SARNP: variants seen among roughly 807,000 people sequenced by gnomAD.
The protein encoded by SARNP is SAP domain containing ribonucleoprotein, also known as SAP domain-containing ribonucleoprotein.
In SARNP, 5 loss-of-function variants were observed where a neutral mutation model predicts 38.1. The observed-to-expected ratio is 0.13, with a 90% confidence interval of 0.07 to 0.28. The LOEUF is 0.28. SARNP is among the 10% of genes least tolerant of loss of function. The pLI is 1.00. For synonymous variants in SARNP, 84 were observed against 80.6 expected, an observed-to-expected ratio of 1.04 and a Z score of -0.23; for missense variants, 180 against 243.9, an observed-to-expected ratio of 0.74 and a Z score of 1.75.
chr12:55,810,557 A>G (rs1336193501), intron 1 of SARNP, among the ~76,000 whole-genome samples: 3 of 150,814 alleles, frequency 2.0e-5, no homozygotes. Context: ...AGTTCAAGCG[A>G]TTCTCCTGCT....
At chr12:55,776,037 C>T (rs1879171946) in intron 9 of SARNP, among the ~76,000 whole-genome samples, 1 of 152,148 alleles carries the variant, frequency 6.6e-6, no homozygotes, top group Non-Finnish European at 1.5e-5. Context: ...TCCTCCCATA[C>T]AGACTCTGAA....
intron 9 of SARNP, among the ~76,000 whole-genome samples, chr12:55,787,914 A>G (rs941722294): frequency 1.3e-5 from 2 of 151,324 alleles, no homozygotes; most frequent in African/African-American, 2.4e-5. Flanking sequence ...ACACCCAGCT[A>G]ATTTTTTTGT....
chr12:55,795,351 G>T (rs927018515), intron 5 of SARNP, among the ~76,000 whole-genome samples: 2 of 152,102 alleles, frequency 1.3e-5, no homozygotes, highest in African/African-American at 4.8e-5. Flanking sequence ...TTGTGTCCAT[G>T]CTAGGACTTA....
At chr12:55,775,738 C>A (rs1879163355) in intron 9 of SARNP, among the ~76,000 whole-genome samples, 2 of 152,116 alleles carry the variant, frequency 1.3e-5, no homozygotes, top group Non-Finnish European at 2.9e-5. Context: ...CTGCCTCATC[C>A]CCACCTCCAT....
intron 9 of SARNP, among the ~76,000 whole-genome samples, chr12:55,784,347 C>T (rs770401768): frequency 1.3e-5 from 2 of 152,156 alleles, no homozygotes; most frequent in Non-Finnish European, 2.9e-5. Context: ...AAGTCACTAA[C>T]CTCTGCCAAC....
chr12:55,810,305 G>A (rs560621568), intron 1 of SARNP, among the ~76,000 whole-genome samples: 2 of 151,952 alleles, frequency 1.3e-5, no homozygotes, highest in South Asian at 4.2e-4. Context: ...TAGAGATGAG[G>A]TCTCACTATG....
intron 9 of SARNP, among the ~76,000 whole-genome samples, chr12:55,786,101 C>G (rs1301714311): frequency 1.3e-5 from 2 of 151,986 alleles, no homozygotes; most frequent in Admixed American, 6.6e-5. Context: ...AAAGGTCAAA[C>G]AAAGAGAAAA....
intron 1 of SARNP, among the ~76,000 whole-genome samples, chr12:55,806,329 C>T (rs943641481): frequency 6.7e-6 from 1 of 149,296 alleles, no homozygotes; most frequent in African/African-American, 2.5e-5. Context: ...GGCTGGAGTA[C>T]AGTGGCATGA....
chr12:55,764,557 C>T (rs1362508517), intron 9 of SARNP, among the ~76,000 whole-genome samples: 1 of 148,422 alleles, frequency 6.7e-6, no homozygotes, highest in African/African-American at 2.5e-5. Flanking sequence ...AAGAATAAGG[C>T]TGGGCGCAGT....
At chr12:55,794,507 G>A in intron 6 of SARNP, 120 bp from the exon 7 acceptor site, 1 of 891,344 alleles carries the variant, frequency 1.1e-6, no homozygotes, top group Non-Finnish European at 1.8e-6. Context: ...GCAATCATTA[G>A]CTAATTCTAA....
chr12:55,808,197 T>C (rs1053913106), intron 1 of SARNP, among the ~76,000 whole-genome samples: 4 of 152,044 alleles, frequency 2.6e-5, no homozygotes, highest in African/African-American at 9.7e-5. Context: ...AAAAGGAAAA[T>C]AGAGGCTGGG....
intron 9 of SARNP, among the ~76,000 whole-genome samples, chr12:55,765,716 T>A (rs1878808747): frequency 6.6e-6 from 1 of 152,020 alleles, no homozygotes; most frequent in Non-Finnish European, 1.5e-5. Flanking sequence ...CTAAACCCAT[T>A]AGGGGTTCCA....
chr12:55,776,402 T>G (rs571980087), intron 9 of SARNP, among the ~76,000 whole-genome samples: 1 of 152,248 alleles, frequency 6.6e-6, no homozygotes, highest in South Asian at 2.1e-4. Context: ...CACGGCACTC[T>G]ATAAGTGAGA....
intron 9 of SARNP, among the ~76,000 whole-genome samples, chr12:55,780,306 T>C (rs2136189131): frequency 6.6e-6 from 1 of 151,826 alleles, no homozygotes; most frequent in South Asian, 2.1e-4. Flanking sequence ...CACAAAAAAT[T>C]AGCCGGGCAT....
intron 5 of SARNP, among the ~76,000 whole-genome samples, chr12:55,795,305 A>G (rs1335691710): frequency 6.6e-6 from 1 of 152,192 alleles, no homozygotes; most frequent in Non-Finnish European, 1.5e-5. Context: ...CTTAGGGTCT[A>G]AACTGAAAAT....
At chr12:55,780,656 GC>G (rs2136189351) in intron 9 of SARNP, among the ~76,000 whole-genome samples, 2 of 151,950 alleles carry the variant, frequency 1.3e-5, no homozygotes, top group African/African-American at 4.8e-5. Flanking sequence ...GGCAACAAGT[GC>G]AAAACTCTGT....
At chr12:55,781,608 G>A (rs562584037) in intron 9 of SARNP, among the ~76,000 whole-genome samples, 2 of 151,866 alleles carry the variant, frequency 1.3e-5, no homozygotes, top group East Asian at 3.9e-4. Flanking sequence ...CACTCACTGT[G>A]AAGTGGTTCA....
At chr12:55,806,332 T>G (rs1880142798) in intron 1 of SARNP, among the ~76,000 whole-genome samples, 1 of 151,202 alleles carries the variant, frequency 6.6e-6, no homozygotes, top group Non-Finnish European at 1.5e-5. Context: ...TGGAGTACAG[T>G]GGCATGATCT....
chr12:55,783,190 G>A (rs770131514), intron 9 of SARNP, among the ~76,000 whole-genome samples: 1 of 151,916 alleles, frequency 6.6e-6, no homozygotes, highest in African/African-American at 2.4e-5. Flanking sequence ...ACTCCTCTTG[G>A]GAGGCATGGG....
Sources: allele counts gnomAD v4.1 joint callset (sites outside exome capture counted in the v4.1 genomes callset), GRCh38; gene constraint gnomAD v4.1.1; transcripts MANE v1.5; gene names NCBI Gene and HGNC (gene_info 2026-07-23, HGNC 2026-07-21).